Variants in CSMD3 observed in about 807,000 individuals in gnomAD.
The protein encoded by CSMD3 is CUB and sushi domain-containing protein 3.
A neutral mutation model predicts 435.2 loss-of-function variants in CSMD3; 177 were observed. That is an observed-to-expected ratio of 0.41 (90% CI 0.36 to 0.46). The LOEUF is 0.46. CSMD3 is among the 20% of genes least tolerant of loss of function. The pLI is 0.34. For missense variants in CSMD3, 4,265 were observed against 4,504.6 expected, an observed-to-expected ratio of 0.95 and a Z score of 1.52; for synonymous variants, 1,656 against 1,520.5, an observed-to-expected ratio of 1.09 and a Z score of -2.07.
intron 55 of CSMD3, 56 bp from the exon 56 acceptor site, chr8:112,291,751 A>G (rs2130680392): frequency 9.4e-7 from 1 of 1,067,738 alleles, no homozygotes; most frequent in Non-Finnish European, 1.4e-6. Context: ...ATATACCTAT[A>G]TAGATTTATA....
chr8:112,913,220 C>A (rs995264762), intron 10 of CSMD3, among the ~76,000 whole-genome samples: 2 of 151,856 alleles, frequency 1.3e-5, no homozygotes, highest in Non-Finnish European at 2.9e-5. Flanking sequence ...TCCATGGACT[C>A]GGGGGAGGAG....
chr8:113,071,334 A>G (rs2089106781), intron 5 of CSMD3, among the ~76,000 whole-genome samples: 1 of 151,894 alleles, frequency 6.6e-6, no homozygotes. Flanking sequence ...TCAGTTTGGT[A>G]TAGTCCCAAT....
intron 22 of CSMD3, among the ~76,000 whole-genome samples, chr8:112,592,826 G>A (rs902850265): frequency 2.6e-5 from 4 of 151,962 alleles, no homozygotes; most frequent in African/African-American, 9.7e-5. Flanking sequence ...TTGGGGATAG[G>A]TCCTCTTCCT....
At chr8:112,824,245 A>C (rs1032037810) in intron 12 of CSMD3, among the ~76,000 whole-genome samples, 1 of 151,456 alleles carries the variant, frequency 6.6e-6, no homozygotes, top group African/African-American at 2.4e-5. Context: ...ATGAGTCTTG[A>C]CTCTTTATCC....
intron 58 of CSMD3, among the ~76,000 whole-genome samples, chr8:112,286,610 T>C (rs555456524): frequency 2.0e-5 from 3 of 152,264 alleles, no homozygotes; most frequent in South Asian, 4.1e-4. Flanking sequence ...ATTTTACTAT[T>C]ATAGTTTTAA....
chr8:112,879,289 A>G (rs2081380839), intron 10 of CSMD3, among the ~76,000 whole-genome samples: 1 of 152,142 alleles, frequency 6.6e-6, no homozygotes, highest in South Asian at 2.1e-4. Flanking sequence ...GAGATGAAAC[A>G]TGCCCTAGTC....
chr8:112,320,164 T>C (rs1822859723), intron 45 of CSMD3, among the ~76,000 whole-genome samples, 183 bp from the exon 46 acceptor site: 1 of 152,190 alleles, frequency 6.6e-6, no homozygotes, highest in South Asian at 2.1e-4. Context: ...TATTTTCCCA[T>C]GGTAACAATG....
At chr8:112,579,370 C>G (rs1272194136) in intron 23 of CSMD3, among the ~76,000 whole-genome samples, 1 of 151,956 alleles carries the variant, frequency 6.6e-6, no homozygotes, top group African/African-American at 2.4e-5. Context: ...TGGCTGACAT[C>G]AAGCTATCAT....
chr8:112,532,286 T>A (rs1382401866), intron 27 of CSMD3, among the ~76,000 whole-genome samples: 1 of 151,668 alleles, frequency 6.6e-6, no homozygotes, highest in Non-Finnish European at 1.5e-5. Flanking sequence ...GAGGTAGGGA[T>A]ACAAAATATA....
intron 3 of CSMD3, among the ~76,000 whole-genome samples, chr8:113,222,708 TC>T (rs1472169002): frequency 6.6e-6 from 1 of 151,086 alleles, no homozygotes. Context: ...CATATCATTT[TC>T]CCTAATGAAA....
chr8:113,189,880 T>C (rs767807132), intron 3 of CSMD3, among the ~76,000 whole-genome samples: 16 of 151,846 alleles, frequency 1.1e-4, no homozygotes, highest in Non-Finnish European at 2.2e-4. Context: ...TCTGGGATAA[T>C]ATAGTTTGGA....
intron 7 of CSMD3, among the ~76,000 whole-genome samples, chr8:112,968,062 G>A (rs1002630153): frequency 2.0e-5 from 3 of 151,142 alleles, no homozygotes; most frequent in South Asian, 4.2e-4. Flanking sequence ...AGAAGTTTTC[G>A]AATTTAAGGC....
At chr8:112,376,762 C>T (rs981599224) in intron 38 of CSMD3, among the ~76,000 whole-genome samples, 3 of 152,206 alleles carry the variant, frequency 2.0e-5, no homozygotes, top group African/African-American at 7.2e-5. Context: ...GTGCTATGTC[C>T]ATTTATTCAT....
intron 1 of CSMD3, among the ~76,000 whole-genome samples, chr8:113,416,171 A>G (rs1451281697): frequency 6.6e-6 from 1 of 152,124 alleles, no homozygotes; most frequent in Non-Finnish European, 1.5e-5. Context: ...TAATTAAATA[A>G]ATCTTACTAT....
intron 3 of CSMD3, among the ~76,000 whole-genome samples, chr8:113,247,748 C>T (rs1028745265): frequency 6.6e-6 from 1 of 152,024 alleles, no homozygotes; most frequent in Non-Finnish European, 1.5e-5. Context: ...AACTGCTTAG[C>T]AATAACAGAT....
chr8:113,373,183 C>T (rs958636539), intron 1 of CSMD3, among the ~76,000 whole-genome samples: 1 of 152,098 alleles, frequency 6.6e-6, no homozygotes, highest in African/African-American at 2.4e-5. Context: ...TAAAATTAGA[C>T]ACACACAGAT....
chr8:112,467,148 T>C (rs1486156595), intron 32 of CSMD3, among the ~76,000 whole-genome samples: 3 of 152,234 alleles, frequency 2.0e-5, no homozygotes, highest in Non-Finnish European at 4.4e-5. Flanking sequence ...TGACAATTAC[T>C]TCAGATGATT....
At chr8:112,912,959 A>T (rs2082467466) in intron 10 of CSMD3, among the ~76,000 whole-genome samples, 1 of 152,066 alleles carries the variant, frequency 6.6e-6, no homozygotes, top group South Asian at 2.1e-4. Context: ...TATGGAAAAA[A>T]AATGTTCATA....
At position 112,301,759 on chromosome 8, in the gene CSMD3, G is replaced by A. The variant is rs185238822; in HGVS notation, c.8440+34C>T. The A allele has an allele frequency of 2.3e-5, 36 of 1,545,568 alleles. No homozygotes were observed. In the East Asian group the frequency reaches 7.4e-4, roughly 32 times the overall value. ...CTCTTTTCAAGGGTGAGGGGCAGGG[G>A]GAAGTTTGACAAAAACAAATTAAAA... On this transcript the variant is annotated intron_variant, in intron 53 of 70. Coordinates refer to ENST00000297405, the MANE Select transcript of CSMD3 (RefSeq NM_198123.2).
Sources: gnomAD v4.1 joint callset for allele counts (sites outside exome capture counted in the v4.1 genomes callset) on GRCh38, gnomAD v4.1.1 for gene constraint, MANE v1.5 for transcripts, NCBI Gene and HGNC (gene_info 2026-07-23, HGNC 2026-07-21) for gene names.